G2E3: variants seen among roughly 807,000 people sequenced by gnomAD.
The protein encoded by G2E3 is G2/M phase-specific E3 ubiquitin-protein ligase.
Under a neutral mutation model 92.8 loss-of-function variants are expected in G2E3, and 35 were observed. That is an observed-to-expected ratio of 0.38 (90% CI 0.29 to 0.50). The LOEUF (loss-of-function observed/expected upper bound fraction) is 0.50. Ranked by LOEUF, G2E3 falls within the 20% of genes least tolerant of loss-of-function variation. G2E3 has a pLI of 0.94. For missense variants in G2E3, 554 were observed against 823.8 expected, an observed-to-expected ratio of 0.67 and a Z score of 4.01; for synonymous variants, 242 against 272.4, an observed-to-expected ratio of 0.89 and a Z score of 1.10.
intron 1 of G2E3, among the ~76,000 whole-genome samples, chr14:30,575,210 G>A (rs1327842552): frequency 5.3e-5 from 8 of 152,034 alleles, no homozygotes; most frequent in South Asian, 2.1e-4. Context: ...CCTGTTGGTC[G>A]CGTATATGTC....
intron 1 of G2E3, chr14:30,560,584 T>C (rs1483712993): frequency 1.5e-5 from 8 of 538,230 alleles, no homozygotes; most frequent in Non-Finnish European, 2.3e-5. Flanking sequence ...TAAGCCTTTC[T>C]GCTCATTTCA....
rs1214907087 is a variant in G2E3, at chr14:30,617,705, AACTCTTT to A, written c.*1175_*1181del. Reference sequence around the variant, plus strand: ...CCGTATTTCTGTGTATCCTTCTATAAACTCTTTACTTCTGTTTCCTTTATTTTTTAAC... The same window carrying A: ...CCGTATTTCTGTGTATCCTTCTATAAACTTCTGTTTCCTTTATTTTTTAAC... On this transcript the variant is annotated 3_prime_UTR_variant, in exon 15 of 15. Transcript: ENST00000206595. 6.6e-6 allele frequency: 1 copy of A among 152,092 alleles called. No homozygotes were observed. Among genetic ancestry groups the A allele is most frequent in the Non-Finnish European group, 1.5e-5 (1 of 67,952 alleles). 9.4% of individuals were successfully genotyped at this position (152,092 alleles called of 1,614,324 possible).
At chr14:30,591,939 ATTC>A (rs961416679) in intron 4 of G2E3, among the ~76,000 whole-genome samples, 4 of 151,720 alleles carry the variant, frequency 2.6e-5, no homozygotes, top group Non-Finnish European at 5.9e-5. Context: ...GTATTTTCCT[ATTC>A]TTCTTGGTGA....
At chr14:30,600,068 ACAAAT>A (rs1481741681) in intron 8 of G2E3, among the ~76,000 whole-genome samples, 1 of 152,258 alleles carries the variant, frequency 6.6e-6, no homozygotes, top group African/African-American at 2.4e-5. Context: ...AGGATAAGTA[ACAAAT>A]CCAGTTTACA....
intron 1 of G2E3, among the ~76,000 whole-genome samples, chr14:30,562,813 T>G (rs923394906): frequency 6.6e-6 from 1 of 152,208 alleles, no homozygotes; most frequent in African/African-American, 2.4e-5. Flanking sequence ...GGGAAAGTAC[T>G]AAAAGTCTTT....
chr14:30,604,383 G>A (rs771296377), intron 10 of G2E3, among the ~76,000 whole-genome samples: 1 of 152,218 alleles, frequency 6.6e-6, no homozygotes, highest in Non-Finnish European at 1.5e-5. Context: ...TGATCCATGG[G>A]CATTGCCCAA....
At chr14:30,561,019 C>G (rs982171704) in intron 1 of G2E3, among the ~76,000 whole-genome samples, 1 of 152,202 alleles carries the variant, frequency 6.6e-6, no homozygotes, top group Non-Finnish European at 1.5e-5. Context: ...CTTCATTTCC[C>G]TCTACCGTAT....
intron 1 of G2E3, among the ~76,000 whole-genome samples, chr14:30,561,735 A>G (rs1249426761): frequency 6.6e-6 from 1 of 152,310 alleles, no homozygotes; most frequent in South Asian, 2.1e-4. Flanking sequence ...TGCAGTGCAC[A>G]GTGCAGAACA....
intron 2 of G2E3, among the ~76,000 whole-genome samples, chr14:30,582,568 T>C (rs1054717230): frequency 6.6e-6 from 1 of 152,228 alleles, no homozygotes; most frequent in African/African-American, 2.4e-5. Flanking sequence ...GACTCCTCTT[T>C]TGTAGACTCA....
At chr14:30,592,236 CCACCAGGA>C in intron 4 of G2E3, 79 bp from the exon 5 acceptor site, 1 of 1,151,576 alleles carries the variant, frequency 8.7e-7, no homozygotes, top group South Asian at 1.3e-5. Flanking sequence ...TTCAGATTCC[CCACCAGGA>C]GTATTTATTT....
intron 8 of G2E3, among the ~76,000 whole-genome samples, chr14:30,600,284 G>A (rs895725887): frequency 3.3e-5 from 5 of 152,126 alleles, no homozygotes; most frequent in Non-Finnish European, 5.9e-5. Flanking sequence ...CCTCATTCCT[G>A]ATTCCCTACT....
At chr14:30,580,047 A>G (rs191628791) in intron 1 of G2E3, among the ~76,000 whole-genome samples, 1 of 152,262 alleles carries the variant, frequency 6.6e-6, no homozygotes, top group African/African-American at 2.4e-5. Flanking sequence ...GAGAGTGAGG[A>G]GATAGGGACA....
At position 30,615,519 on chromosome 14, in the gene G2E3, G is replaced by GTTAC. The variant is rs1456179392; in HGVS notation, c.1849_1852dup (p.Gln618LeufsTer5). 1 of 1,592,164 alleles carries GTTAC rather than the reference G, an allele frequency of 6.3e-7. No homozygotes were observed. Among genetic ancestry groups the GTTAC allele is most frequent in the Admixed American group, 1.8e-5 (1 of 55,582 alleles). On this transcript the variant is annotated frameshift_variant, in exon 14 of 15. Coordinates refer to ENST00000206595, the MANE Select transcript of G2E3 (RefSeq NM_017769.5). LOFTEE classifies it high-confidence loss of function. ...GTGAAAGCTTTGGGGTTTTGGAACA[G>GTTAC]TTACTTACAGGCTGTTGAAGGTATG...
intron 1 of G2E3, among the ~76,000 whole-genome samples, chr14:30,576,877 G>A (rs1437588808): frequency 2.0e-5 from 3 of 152,180 alleles, no homozygotes; most frequent in East Asian, 1.9e-4. Context: ...CCTGATTCCA[G>A]CATGTTTTCT....
At position 30,590,910 on chromosome 14, in the gene G2E3, A is replaced by T. The variant is rs1880974370; in HGVS notation, c.238-1413A>T. On this transcript the variant is annotated intron_variant, in intron 4 of 14. Coordinates refer to ENST00000206595, the MANE Select transcript of G2E3 (RefSeq NM_017769.5). ...TTGGAACCAGAATTTTAGATTTGAA[A>T]TTTTTTTCAGATTTAGGAATATTTG... 5 of 289,490 alleles carry T rather than the reference A, an allele frequency of 1.7e-5. 1 individual carries two copies. The highest frequency in any genetic ancestry group is 6.5e-5 in the South Asian group (2 of 30,920). 17.9% of individuals were successfully genotyped at this position (289,490 alleles called of 1,614,324 possible).
intron 1 of G2E3, among the ~76,000 whole-genome samples, chr14:30,576,174 T>A (rs933283502): frequency 4.6e-5 from 7 of 152,128 alleles, no homozygotes; most frequent in African/African-American, 1.7e-4. Flanking sequence ...AACAGGCACA[T>A]AGACCAGTGG....
intron 6 of G2E3, among the ~76,000 whole-genome samples, chr14:30,594,497 G>A (rs1318555360): frequency 6.6e-6 from 1 of 151,764 alleles, no homozygotes; most frequent in African/African-American, 2.4e-5. Flanking sequence ...AGACCATCCT[G>A]GCTAACACGG....
At chr14:30,568,253 TG>T (rs919377204) in intron 1 of G2E3, among the ~76,000 whole-genome samples, 3 of 152,150 alleles carry the variant, frequency 2.0e-5, no homozygotes, top group African/African-American at 7.2e-5. Flanking sequence ...GATTACTGTT[TG>T]TATGAAGTAT....
rs1260894117 is a variant in G2E3 at position 30,586,742 on chromosome 14, A to C, written c.62A>C (p.Asp21Ala). The change falls in exon 3 of 15, where the codon GAT becomes GCT. Residue 21 changes from aspartate to alanine, a missense_variant. Coordinates refer to ENST00000206595, the MANE Select transcript of G2E3 (RefSeq NM_017769.5). ...GCTTGTGTTTTCTGTCGAAAACATGATGACTGTCCTAATAAATACGGAGAA... is the reference window on the plus strand; with the variant it reads ...GCTTGTGTTTTCTGTCGAAAACATGCTGACTGTCCTAATAAATACGGAGAA... ...NLACVFCRKHDDCPNKYGEKK... is the reference protein window; with the variant it reads ...NLACVFCRKHADCPNKYGEKK... The C allele has an allele frequency of 7.1e-7, 1 of 1,408,018 alleles. No individual in the cohort carries two copies. The highest frequency in any genetic ancestry group is 9.7e-7 in the Non-Finnish European group (1 of 1,030,048). The allele number at this position is 1,408,018 out of a possible 1,614,324, so 87.2% of individuals were successfully genotyped here.
Sources: gnomAD v4.1 joint callset for allele counts (sites outside exome capture counted in the v4.1 genomes callset) on GRCh38, gnomAD v4.1.1 for gene constraint, MANE v1.5 for transcripts, NCBI Gene and HGNC (gene_info 2026-07-23, HGNC 2026-07-21) for gene names.